CACNA2D1: variants seen among roughly 807,000 people sequenced by gnomAD.
CACNA2D1 encodes the protein calcium voltage-gated channel auxiliary subunit alpha2delta 1.
A neutral mutation model predicts 171.5 loss-of-function variants in CACNA2D1; 53 were observed. The ratio of observed to expected loss-of-function variants is 0.31; its 90% CI spans 0.25 to 0.39. CACNA2D1 has a LOEUF of 0.39. Among genes scored for constraint, CACNA2D1 ranks in the 10% least tolerant of loss-of-function variants. The pLI, the probability that CACNA2D1 is intolerant of heterozygous loss-of-function variation, is 1.00. For missense variants in CACNA2D1, 903 were observed against 1,299.8 expected (o/e 0.69, Z 4.69); for synonymous variants, 442 against 443.1 (o/e 1.00, Z 0.03).
chr7:82,272,720 T>C (rs941725747), intron 3 of CACNA2D1, among the ~76,000 whole-genome samples: 3 of 152,198 alleles, frequency 2.0e-5, no homozygotes, highest in African/African-American at 7.2e-5. Context: ...AATATCCTAG[T>C]ACTTCTTTTG....
At chr7:82,120,233 T>C (rs926366063) in intron 5 of CACNA2D1, among the ~76,000 whole-genome samples, 1 of 152,112 alleles carries the variant, frequency 6.6e-6, no homozygotes, top group Admixed American at 6.6e-5. Context: ...TCCTGTGTGA[T>C]GAAACAAGCC....
chr7:81,966,630 A>G (rs1361062622), intron 31 of CACNA2D1, among the ~76,000 whole-genome samples: 1 of 151,334 alleles, frequency 6.6e-6, no homozygotes, highest in African/African-American at 2.4e-5. Context: ...TTTTGAACAA[A>G]GTTCACATTT....
chr7:82,337,133 G>A (rs1170188316), intron 2 of CACNA2D1, among the ~76,000 whole-genome samples: 3 of 151,810 alleles, frequency 2.0e-5, no homozygotes, highest in Non-Finnish European at 4.4e-5. Flanking sequence ...TTCCTTTTAG[G>A]ATAATTTTTA....
chr7:82,032,010 C>T (rs1802760437), intron 12 of CACNA2D1, among the ~76,000 whole-genome samples: 1 of 151,790 alleles, frequency 6.6e-6, no homozygotes, highest in African/African-American at 2.4e-5. Flanking sequence ...TTTAGGAAAC[C>T]AGGTTGAGAA....
chr7:82,103,029 C>T (rs1212910529), intron 6 of CACNA2D1, among the ~76,000 whole-genome samples: 1 of 152,068 alleles, frequency 6.6e-6, no homozygotes. Context: ...ACAACTTGGC[C>T]AGGCGCTTGG....
rs369327479 is a variant in CACNA2D1 at position 81,964,157 on chromosome 7, G to A, written c.2728-49C>T. ...ATTTCAGTAGTCTACTTGATACTGA[G>A]GACACTTGAGTACCCCTTGAGAATT... On this transcript the variant is annotated intron_variant, in intron 33 of 38. Transcript: ENST00000356860. 167 of 1,606,774 alleles carry A rather than the reference G, an allele frequency of 1.0e-4. 1 individual carries two copies. In the Middle Eastern group the frequency reaches 1.2e-3, roughly 11 times the overall value.
At chr7:82,247,556 A>G (rs1563254900) in intron 3 of CACNA2D1, among the ~76,000 whole-genome samples, 1 of 152,172 alleles carries the variant, frequency 6.6e-6, no homozygotes. Context: ...CCTTCTCACA[A>G]GACCCACTGA....
At chr7:82,199,629 AT>A (rs755982860) in intron 3 of CACNA2D1, among the ~76,000 whole-genome samples, 6 of 152,190 alleles carry the variant, frequency 3.9e-5, no homozygotes, top group Admixed American at 6.5e-5. Flanking sequence ...CAGCCAAAAA[AT>A]ATCTTCAAAT....
intron 4 of CACNA2D1, among the ~76,000 whole-genome samples, chr7:82,142,268 T>C (rs929054565): frequency 1.8e-4 from 27 of 152,218 alleles, no homozygotes; most frequent in African/African-American, 6.5e-4. Context: ...AAATGGTCCA[T>C]GCTAATATAA....
intron 3 of CACNA2D1, among the ~76,000 whole-genome samples, chr7:82,306,892 A>T (rs997054829): frequency 4.7e-5 from 7 of 150,384 alleles, no homozygotes; most frequent in African/African-American, 1.5e-4. Context: ...AAAAAAAAAA[A>T]ATAGCCTTAA....
chr7:82,294,541 C>A (rs1812035914), intron 3 of CACNA2D1, among the ~76,000 whole-genome samples: 1 of 151,898 alleles, frequency 6.6e-6, no homozygotes, highest in Non-Finnish European at 1.5e-5. Context: ...ATAAATTTCA[C>A]AATAAAAAGC....
Position 81,962,500 on chromosome 7 carries a change from AT to A in CACNA2D1, c.2781-6del. 1 of 1,572,428 alleles carries A rather than the reference AT, an allele frequency of 6.4e-7. No individual in the cohort carries two copies. The highest frequency in any genetic ancestry group is 8.7e-7 in the Non-Finnish European group (1 of 1,152,978). ...AGAAACTGCTGTAGAATAGACCTGAATTTTTCAAATAAAAAAAAAATAAACA... is the reference window on the plus strand; with the variant it reads ...AGAAACTGCTGTAGAATAGACCTGAATTTTCAAATAAAAAAAAAATAAACA... On this transcript the variant is annotated splice_region_variant and splice_polypyrimidine_tract_variant and intron_variant, in intron 34 of 38. Coordinates refer to ENST00000356860, the MANE Select transcript of CACNA2D1 (RefSeq NM_000722.4).
At chr7:82,238,352 A>G (rs561391225) in intron 3 of CACNA2D1, among the ~76,000 whole-genome samples, 7 of 152,176 alleles carry the variant, frequency 4.6e-5, no homozygotes, top group African/African-American at 1.7e-4. Flanking sequence ...ACAAGTAGAC[A>G]TTCGCAAACA....
At chr7:81,975,454 A>C (rs1795744272) in intron 24 of CACNA2D1, among the ~76,000 whole-genome samples, 1 of 152,304 alleles carries the variant, frequency 6.6e-6, no homozygotes. Context: ...GTTTTGGTCT[A>C]TACAGAAAAT....
At chr7:82,337,787 T>C (rs1440774373) in intron 2 of CACNA2D1, among the ~76,000 whole-genome samples, 2 of 152,198 alleles carry the variant, frequency 1.3e-5, no homozygotes, top group African/African-American at 2.4e-5. Flanking sequence ...AAAAACAGGA[T>C]ACTTTTCCTC....
At chr7:82,303,132 T>C (rs1813250600) in intron 3 of CACNA2D1, among the ~76,000 whole-genome samples, 1 of 152,166 alleles carries the variant, frequency 6.6e-6, no homozygotes, top group South Asian at 2.1e-4. Flanking sequence ...TAGCTGGGAC[T>C]ACAGGCGCCC....
chr7:82,058,487 C>T (rs1382690572), intron 10 of CACNA2D1, among the ~76,000 whole-genome samples: 3 of 152,026 alleles, frequency 2.0e-5, no homozygotes, highest in Non-Finnish European at 4.4e-5. Context: ...ACAAATAAAG[C>T]CAAATAAGTA....
intron 3 of CACNA2D1, among the ~76,000 whole-genome samples, chr7:82,202,665 T>C (rs1278586028): frequency 1.1e-4 from 1 of 8,970 alleles, no homozygotes; most frequent in Non-Finnish European, 1.8e-4. Flanking sequence ...GCACTCCAGG[T>C]GCTGGTGGGC....
chr7:81,958,296 G>C (rs1280150003), intron 38 of CACNA2D1, among the ~76,000 whole-genome samples: 2 of 151,596 alleles, frequency 1.3e-5, no homozygotes, highest in Admixed American at 6.6e-5. Context: ...AAAATGTTTT[G>C]TCCTTTCTGG....
Sources: gnomAD v4.1 joint callset for allele counts (sites outside exome capture counted in the v4.1 genomes callset) on GRCh38, gnomAD v4.1.1 for gene constraint, MANE v1.5 for transcripts, NCBI Gene and HGNC (gene_info 2026-07-23, HGNC 2026-07-21) for gene names.